Variants in EYS observed in about 807,000 individuals in gnomAD.
EYS encodes EGF-like photoreceptor maintenance factor, also known as protein eyes shut homolog.
Under a neutral mutation model 282.1 loss-of-function variants are expected in EYS, and 250 were observed. That is an observed-to-expected ratio of 0.89 (90% confidence interval 0.80 to 0.98). The LOEUF is 0.98. EYS is among the 50% of genes least tolerant of loss of function. EYS has a pLI of 0.00. For missense variants in EYS, 4,016 were observed against 3,709.0 expected, an observed-to-expected ratio of 1.08 and a Z score of -2.15; for synonymous variants, 1,355 against 1,282.9, an observed-to-expected ratio of 1.06 and a Z score of -1.20.
intron 29 of EYS, among the ~76,000 whole-genome samples, chr6:64,356,088 T>C (rs1388345359): frequency 6.6e-6 from 1 of 151,588 alleles, no homozygotes; most frequent in Non-Finnish European, 1.5e-5. Flanking sequence ...TTATTTATAT[T>C]ATCTAAATAT....
At chr6:65,318,149 G>A (rs1582136140) in intron 11 of EYS, among the ~76,000 whole-genome samples, 1 of 146,928 alleles carries the variant, frequency 6.8e-6, no homozygotes, top group African/African-American at 2.5e-5. Flanking sequence ...TTACATGCGT[G>A]AGCCACCGCG....
rs112388321 is a variant in EYS, at chr6:64,085,340, G to GCGCACACACACACACACACACA, written c.6425-3339_6425-3338insTGTGTGTGTGTGTGTGTGTGCG. 7.8e-3 allele frequency among the ~76,000 whole-genome samples: 1,084 copies of GCGCACACACACACACACACACA among 139,768 alleles called. 7 individuals are homozygous for GCGCACACACACACACACACACA. Among genetic ancestry groups the GCGCACACACACACACACACACA allele is most frequent in the African/African-American group, 0.017 (596 of 35,706 alleles). The allele number at this position is 139,768 out of a possible 152,430, so 91.7% of individuals were successfully genotyped here. A position where few individuals can be genotyped will look rare whatever the true frequency, so the allele number is the denominator to read the frequency against. ...CGCGCGCGCGTGCGCACGTGCGCGC[G>GCGCACACACACACACACACACA]CACACACACACACACACACACACAC... On this transcript the variant is annotated intron_variant, in intron 31 of 42. Coordinates refer to ENST00000503581, the MANE Select transcript of EYS (RefSeq NM_001142800.2).
At chr6:65,431,744 T>G (rs1441303831) in intron 5 of EYS, among the ~76,000 whole-genome samples, 1 of 152,132 alleles carries the variant, frequency 6.6e-6, no homozygotes, top group Non-Finnish European at 1.5e-5. Context: ...ATTTTCATAA[T>G]GAAAATGAAG....
At chr6:65,011,114 C>G (rs1771851201) in intron 13 of EYS, among the ~76,000 whole-genome samples, 1 of 152,206 alleles carries the variant, frequency 6.6e-6, no homozygotes, top group Non-Finnish European at 1.5e-5. Flanking sequence ...ACATAGTTTT[C>G]TCCCCTCAGG....
intron 22 of EYS, chr6:64,713,300 C>A (rs1023781833): frequency 6.6e-6 from 1 of 152,158 alleles, no homozygotes; most frequent in African/African-American, 2.4e-5. Flanking sequence ...CCAAATCCAA[C>A]ATAAGCTGGT....
At chr6:64,361,590 T>C (rs1460320957) in intron 29 of EYS, among the ~76,000 whole-genome samples, 1 of 151,838 alleles carries the variant, frequency 6.6e-6, no homozygotes, top group Non-Finnish European at 1.5e-5. Context: ...TAAAAGCAAC[T>C]ATCTTTCAAA....
chr6:64,704,575 T>G (rs1770929516), intron 22 of EYS, among the ~76,000 whole-genome samples: 1 of 98,030 alleles, frequency 1.0e-5, no homozygotes, highest in Non-Finnish European at 2.1e-5. Context: ...TCATTGAAAG[T>G]AGATTTGGGA....
chr6:64,512,765 T>A (rs1283326958), intron 26 of EYS, among the ~76,000 whole-genome samples: 2 of 151,860 alleles, frequency 1.3e-5, no homozygotes, highest in Admixed American at 6.6e-5. Context: ...AGTAAGGAAA[T>A]GCAAAGAGCT....
chr6:63,767,648 T>A (rs978338360), intron 40 of EYS, among the ~76,000 whole-genome samples: 1 of 152,124 alleles, frequency 6.6e-6, no homozygotes, highest in African/African-American at 2.4e-5. Flanking sequence ...AAAATGGCTA[T>A]ACTGACAAAA....
intron 2 of EYS, among the ~76,000 whole-genome samples, chr6:65,521,748 A>T (rs1767379721): frequency 6.6e-6 from 1 of 152,298 alleles, no homozygotes; most frequent in Admixed American, 6.5e-5. Flanking sequence ...GCAGAGTTAC[A>T]GAAGATTGTA....
At chr6:64,122,291 A>G (rs896155592) in intron 31 of EYS, among the ~76,000 whole-genome samples, 6 of 152,206 alleles carry the variant, frequency 3.9e-5, no homozygotes, top group African/African-American at 1.4e-4. Context: ...AACCACTTTC[A>G]TAGCATAGCA....
chr6:65,648,695 C>T (rs1264381098), intron 1 of EYS, among the ~76,000 whole-genome samples: 1 of 137,350 alleles, frequency 7.3e-6, no homozygotes, highest in Admixed American at 7.8e-5. Context: ...GTTCCCCAAA[C>T]ACCTATTGAA....
chr6:64,389,259 C>A (rs1329395499), intron 28 of EYS, among the ~76,000 whole-genome samples: 1 of 152,066 alleles, frequency 6.6e-6, no homozygotes, highest in Non-Finnish European at 1.5e-5. Flanking sequence ...ATATTGCAGA[C>A]AGTAATTAGT....
intron 7 of EYS, among the ~76,000 whole-genome samples, chr6:65,391,910 A>G (rs1766051564): frequency 6.6e-6 from 1 of 152,164 alleles, no homozygotes; most frequent in South Asian, 2.1e-4. Context: ...ACGCTACCTG[A>G]CTTCAAACTA....
At chr6:63,867,293 A>AT (rs1346946047) in intron 35 of EYS, among the ~76,000 whole-genome samples, 1 of 152,150 alleles carries the variant, frequency 6.6e-6, no homozygotes, top group South Asian at 2.1e-4. Context: ...TATGAAATAT[A>AT]TTTTTTTCAT....
chr6:64,641,766 G>A (rs1459926282), intron 22 of EYS, among the ~76,000 whole-genome samples: 1 of 152,272 alleles, frequency 6.6e-6, no homozygotes, highest in South Asian at 2.1e-4. Flanking sequence ...TACCTCCTGA[G>A]CTCTGTCTCC....
At chr6:64,557,807 C>G (rs1765277799) in intron 26 of EYS, among the ~76,000 whole-genome samples, 1 of 152,026 alleles carries the variant, frequency 6.6e-6, no homozygotes, top group African/African-American at 2.4e-5. Context: ...AAAGTTTTGT[C>G]AGAACACAAT....
At chr6:64,470,409 G>T (rs1776087381) in intron 26 of EYS, among the ~76,000 whole-genome samples, 1 of 152,092 alleles carries the variant, frequency 6.6e-6, no homozygotes, top group Non-Finnish European at 1.5e-5. Context: ...AAACAAAATA[G>T]ATATTATTTA....
intron 24 of EYS, among the ~76,000 whole-genome samples, chr6:64,595,478 G>GA (rs1333001353): frequency 1.3e-5 from 2 of 151,904 alleles, no homozygotes; most frequent in Non-Finnish European, 2.9e-5. Context: ...ATTAAAATTA[G>GA]AAAAAAGGAA....
Sources: allele counts gnomAD v4.1 joint callset (sites outside exome capture counted in the v4.1 genomes callset), GRCh38; gene constraint gnomAD v4.1.1; transcripts MANE v1.5; gene names NCBI Gene and HGNC (gene_info 2026-07-23, HGNC 2026-07-21).